The following IL16 variants were observed in gnomAD, a reference collection of about 807,000 sequenced individuals.
IL16 encodes pro-interleukin-16.
In IL16, 67 loss-of-function variants were observed where a neutral mutation model predicts 110.1. The ratio of observed to expected loss-of-function variants is 0.61; its 90% CI spans 0.50 to 0.75. IL16 has a LOEUF of 0.75. Ranked by LOEUF, IL16 falls within the 30% of genes least tolerant of loss-of-function variation. The pLI is 0.00. For synonymous variants in IL16, 689 were observed against 662.9 expected, an observed-to-expected ratio of 1.04 and a Z score of -0.61; for missense variants, 1,545 against 1,655.0, an observed-to-expected ratio of 0.93 and a Z score of 1.15.
intron 2 of IL16, among the ~76,000 whole-genome samples, chr15:81,258,021 C>G (rs1271256787): frequency 6.6e-6 from 1 of 152,132 alleles, no homozygotes; most frequent in Non-Finnish European, 1.5e-5. Context: ...TGTACACACA[C>G]ACAGAGCATG....
At chr15:81,207,408 C>T (rs1205443748) in intron 1 of IL16, among the ~76,000 whole-genome samples, 1 of 151,958 alleles carries the variant, frequency 6.6e-6, no homozygotes, top group Non-Finnish European at 1.5e-5. Context: ...TAAATTTCAA[C>T]TTTATTTTAG....
At chr15:81,297,689 T>C (rs1252687571) in intron 13 of IL16, among the ~76,000 whole-genome samples, 2 of 152,176 alleles carry the variant, frequency 1.3e-5, no homozygotes, top group Admixed American at 6.5e-5. Context: ...GATTCACTCA[T>C]CAGCAATGTG....
Position 81,278,896 on chromosome 15 carries a change from C to T in IL16, c.864+6C>T. ...ATGCTTTGCAGAAGTTCAAGGTGAC[C>T]ATTTCTTATCAACACGTGACCAAAC... On this transcript the variant is annotated splice_donor_region_variant and intron_variant, in intron 7 of 18. Coordinates refer to ENST00000683961, the MANE Select transcript of IL16 (RefSeq NM_172217.5). 1 of 1,600,992 alleles carries T rather than the reference C, an allele frequency of 6.2e-7. No individual in the cohort carries two copies. The highest frequency in any genetic ancestry group is 1.1e-5 in the South Asian group (1 of 90,832).
intron 1 of IL16, among the ~76,000 whole-genome samples, chr15:81,199,046 T>G (rs1895715905): frequency 6.9e-6 from 1 of 145,418 alleles, no homozygotes; most frequent in African/African-American, 2.5e-5. Flanking sequence ...TATATATATA[T>G]ATATATATAT....
chr15:81,194,855 A>T (rs955015797), upstream of IL16, among the ~76,000 whole-genome samples: 2 of 152,146 alleles, frequency 1.3e-5, no homozygotes, highest in East Asian at 3.9e-4. Context: ...GTAGCAAACT[A>T]AGGCTGTGAA....
In IL16 at chr15:81,299,510, C is replaced by A. The variant is rs142079015; in HGVS notation, c.2184C>A (p.Ile728=). The A allele has an allele frequency of 5.0e-6, 8 of 1,614,092 alleles. No homozygotes were observed. The African/African-American group carries it at 1.1e-4, about 22-fold the overall frequency. The change falls in exon 14 of 19, where the codon ATC becomes ATA. Residue 728 remains isoleucine, a synonymous_variant. Coordinates refer to ENST00000683961, the MANE Select transcript of IL16 (RefSeq NM_172217.5). ...SDCIKNLFSP[I]MSENHGHMPL... ...GCATCAAAAACTTATTTAGCCCCAT[C>A]ATGAGTGAGAACCATGGCCACATGC...
At chr15:81,185,875 G>A (rs889401959) in intron 1 of IL16, among the ~76,000 whole-genome samples, 2 of 152,304 alleles carry the variant, frequency 1.3e-5, no homozygotes, top group East Asian at 3.9e-4. Flanking sequence ...TTGTAGAATA[G>A]GGATGGGAAA....
intron 1 of IL16, among the ~76,000 whole-genome samples, chr15:81,215,151 A>G (rs981686240): frequency 6.6e-6 from 1 of 152,202 alleles, no homozygotes; most frequent in African/African-American, 2.4e-5. Flanking sequence ...GCAAAAAACC[A>G]TTGCTAGGGA....
At chr15:81,274,481 G>A (rs572921423) in intron 6 of IL16, among the ~76,000 whole-genome samples, 29 of 152,316 alleles carry the variant, frequency 1.9e-4, no homozygotes, top group African/African-American at 6.7e-4. Context: ...AGAGGTGTGA[G>A]CCACAGTGCC....
intron 2 of IL16, among the ~76,000 whole-genome samples, chr15:81,230,018 T>C (rs1896917528): frequency 6.6e-6 from 1 of 152,140 alleles, no homozygotes; most frequent in Non-Finnish European, 1.5e-5. Context: ...CAGAAAAGAC[T>C]GGGTAAATTA....
At chr15:81,226,175 C>A (rs1896782975) in intron 2 of IL16, among the ~76,000 whole-genome samples, 1 of 152,192 alleles carries the variant, frequency 6.6e-6, no homozygotes, top group Non-Finnish European at 1.5e-5. Context: ...TGAATGCTGA[C>A]TGTGAACATT....
At chr15:81,247,390 A>G (rs1897602971) in intron 2 of IL16, among the ~76,000 whole-genome samples, 1 of 152,172 alleles carries the variant, frequency 6.6e-6, no homozygotes, top group Admixed American at 6.5e-5. Flanking sequence ...AAATGCCTTT[A>G]AATTTCCAGT....
rs149240163 is a variant in IL16, at chr15:81,190,534, C to A, written c.40+7638C>A. ...TTTACTCCCTGTGATGTCTCTTCCT[C>A]CCTTTCTTATAAGAAAAAGGGGAAA... On this transcript the variant is annotated intron_variant, in intron 1 of 18. Transcript: ENST00000302987. 9.8e-5 allele frequency among the ~76,000 whole-genome samples: 15 copies of A among 152,300 alleles called. No homozygotes were observed. In the East Asian group the frequency reaches 2.7e-3, roughly 27 times the overall value.
chr15:81,210,989 G>C (rs922836875), intron 1 of IL16, among the ~76,000 whole-genome samples: 25 of 152,064 alleles, frequency 1.6e-4, no homozygotes, highest in African/African-American at 6.0e-4. Context: ...TTTCATAGAT[G>C]GCTCTTATTA....
rs117047216 is a variant in IL16 at position 81,205,899 on chromosome 15, A to G, written c.-102+8747A>G. On this transcript the variant is annotated intron_variant, in intron 1 of 18. Transcript: ENST00000683961. The stretch of plus-strand genomic sequence containing the variant: ...GTCAGACAAAATAAAAATTGAGGCA[A>G]CTATTAAATAGATCAAGAATTACTT... 2.0e-4 allele frequency among the ~76,000 whole-genome samples: 31 copies of G among 152,194 alleles called. 1 individual carries two copies. The East Asian group carries it at 5.8e-3, about 29-fold the overall frequency.
At chr15:81,248,236 G>C (rs1897636851) in intron 2 of IL16, among the ~76,000 whole-genome samples, 1 of 152,028 alleles carries the variant, frequency 6.6e-6, no homozygotes, top group South Asian at 2.1e-4. Flanking sequence ...AGTTGTCTGA[G>C]CTATCTACCC....
intron 3 of IL16, among the ~76,000 whole-genome samples, chr15:81,264,026 G>C (rs993450582): frequency 6.6e-6 from 1 of 152,180 alleles, no homozygotes; most frequent in Non-Finnish European, 1.5e-5. Flanking sequence ...GACCCGAAAC[G>C]TGCAGATATG....
chr15:81,259,813 A>G lies in IL16; in HGVS notation c.354A>G (p.Leu118=), dbSNP rs1186134698. The G allele has an allele frequency of 1.2e-6, 2 of 1,614,032 alleles. No individual in the cohort carries two copies. The highest frequency in any genetic ancestry group is 2.2e-5 in the East Asian group (1 of 44,882). The part of the protein sequence containing the change: ...TASSREKPGK[L]EAQSSNFLFP... ...CCTCTCGAGAAAAGCCTGGAAAACT[A>G]GAAGCACAAAGTAGTAACTTCCTGT... Residue 118 remains leucine, a synonymous_variant, in exon 3 of 19, where the codon CTA becomes CTG. Coordinates refer to ENST00000683961, the MANE Select transcript of IL16 (RefSeq NM_172217.5).
chr15:81,223,732 T>C (rs1027601972), intron 1 of IL16, among the ~76,000 whole-genome samples: 6 of 152,262 alleles, frequency 3.9e-5, no homozygotes, highest in African/African-American at 1.4e-4. Context: ...AGCTGATTAC[T>C]GAAACAGTAC....
Sources: gnomAD v4.1 joint callset for allele counts (sites outside exome capture counted in the v4.1 genomes callset) on GRCh38, gnomAD v4.1.1 for gene constraint, MANE v1.5 for transcripts, NCBI Gene and HGNC (gene_info 2026-07-23, HGNC 2026-07-21) for gene names.